NUGGC: variants seen among roughly 807,000 people sequenced by gnomAD.
NUGGC encodes the protein nuclear GTPase, germinal center associated.
In NUGGC, 58 loss-of-function variants were observed where a neutral mutation model predicts 92.6. The ratio of observed to expected loss-of-function variants is 0.63; its 90% confidence interval spans 0.51 to 0.78. The LOEUF is 0.78. NUGGC is among the 30% of genes least tolerant of loss of function. The pLI, the probability that NUGGC is intolerant of heterozygous loss-of-function variation, is 0.00. For synonymous variants in NUGGC, 376 were observed against 366.4 expected (o/e 1.03, Z -0.30); for missense variants, 925 against 964.6 (o/e 0.96, Z 0.54).
At chr8:28,061,811 G>C (rs991646196) in intron 7 of NUGGC, among the ~76,000 whole-genome samples, 5 of 152,088 alleles carry the variant, frequency 3.3e-5, no homozygotes, top group African/African-American at 1.2e-4. Context: ...GAAGGTAAAG[G>C]CCGAGGATGC....
chr8:28,053,459 C>G (rs1038092391), intron 10 of NUGGC, among the ~76,000 whole-genome samples: 3 of 151,870 alleles, frequency 2.0e-5, no homozygotes, highest in African/African-American at 7.3e-5. Context: ...ACACTCCAGC[C>G]TGGCTAACAG....
intron 1 of NUGGC, among the ~76,000 whole-genome samples, chr8:28,077,300 T>C (rs938231297): frequency 5.9e-5 from 9 of 151,502 alleles, no homozygotes; most frequent in Admixed American, 2.6e-4. Context: ...CTCATATCTA[T>C]AATCCCAGCA....
At chr8:28,050,151 C>T (rs1454181649) in intron 10 of NUGGC, among the ~76,000 whole-genome samples, 7 of 151,596 alleles carry the variant, frequency 4.6e-5, no homozygotes, top group South Asian at 2.1e-4. Flanking sequence ...TTCGGGAGGC[C>T]GAGGCGGGCA....
chr8:28,068,111 G>C (rs181496960), intron 5 of NUGGC, 105 bp downstream of exon 5: 2 of 665,974 alleles, frequency 3.0e-6, no homozygotes, highest in Non-Finnish European at 5.2e-6. Context: ...GAGAGAGGGA[G>C]GGAAGAGGAA....
intron 1 of NUGGC, among the ~76,000 whole-genome samples, chr8:28,082,664 A>G (rs910760568): frequency 2.6e-5 from 4 of 152,174 alleles, no homozygotes; most frequent in African/African-American, 9.7e-5. Flanking sequence ...GCACTTTGGG[A>G]GGCTGAGAGG....
chr8:28,077,861 G>A (rs1048812639), intron 1 of NUGGC, among the ~76,000 whole-genome samples: 1 of 152,184 alleles, frequency 6.6e-6, no homozygotes, highest in African/African-American at 2.4e-5. Context: ...CAGACACTAA[G>A]ATTAGGGACC....
At chr8:28,062,113 C>T (rs1219516507) in intron 7 of NUGGC, among the ~76,000 whole-genome samples, 1 of 152,190 alleles carries the variant, frequency 6.6e-6, no homozygotes, top group African/African-American at 2.4e-5. Context: ...TGGCTCCATA[C>T]ATCACTGCTT....
chr8:28,029,138 G>C lies in NUGGC; in HGVS notation c.2154+128C>G, dbSNP rs546939680. 193 of 902,722 alleles carry C rather than the reference G, an allele frequency of 2.1e-4. 1 individual carries two copies. The African/African-American group carries it at 3.0e-3, about 14-fold the overall frequency. The allele number at this position is 902,722 out of a possible 1,614,324, so 55.9% of individuals were successfully genotyped here. A position where few individuals can be genotyped will look rare whatever the true frequency, so the allele number is the denominator to read the frequency against. On this transcript the variant is annotated intron_variant, in intron 17 of 18. Coordinates refer to ENST00000413272, the MANE Select transcript of NUGGC (RefSeq NM_001010906.2). ...GTTGGAAGACTGCAGCTCTCAAGTC[G>C]AAGCCCCAGAAAGCATCTGTTCCAT...
At chr8:28,067,492 G>C in intron 6 of NUGGC, 22 bp downstream of exon 6, 1 of 1,533,220 alleles carries the variant, frequency 6.5e-7, no homozygotes, top group Non-Finnish European at 8.9e-7. Flanking sequence ...TGAAATCAAG[G>C]AAAAAACGAA....
rs577160179 is a variant in NUGGC, at chr8:28,032,248, G to A, written c.1770-867C>T. On this transcript the variant is annotated intron_variant, in intron 14 of 18. Transcript: ENST00000413272. ...TCGATGGAATGGCATAATCCAAGAC[G>A]TGCTTAAAGAAAGGTGGGGCAGGGA... Among the ~76,000 whole-genome samples the A allele has an allele frequency of 6.6e-5, 10 of 152,244 alleles. No homozygotes were observed. The East Asian group carries it at 1.7e-3, about 26-fold the overall frequency.
intron 17 of NUGGC, among the ~76,000 whole-genome samples, chr8:28,028,962 T>C (rs1809340541): frequency 1.3e-5 from 2 of 152,060 alleles, no homozygotes; most frequent in Admixed American, 6.5e-5. Flanking sequence ...CTGCCAGAAG[T>C]TTCTTCTCTA....
At chr8:28,082,745 T>A (rs1051220122) in intron 1 of NUGGC, among the ~76,000 whole-genome samples, 24 of 150,318 alleles carry the variant, frequency 1.6e-4, no homozygotes, top group South Asian at 8.4e-4. Context: ...ATCTCTACAA[T>A]TTTTTTTTTA....
chr8:28,056,442 C>T (rs762544290), intron 9 of NUGGC, among the ~76,000 whole-genome samples: 2 of 150,836 alleles, frequency 1.3e-5, no homozygotes, highest in Non-Finnish European at 2.9e-5. Flanking sequence ...CGCGCCACTG[C>T]ACTCCAGCCT....
intron 14 of NUGGC, 88 bp from the exon 15 acceptor site, chr8:28,031,469 T>A: frequency 1.6e-6 from 2 of 1,272,290 alleles, no homozygotes; most frequent in Non-Finnish European, 2.2e-6. Flanking sequence ...GTCCTTTTAT[T>A]CATTTAAGAG....
rs547084999 is a variant in NUGGC at position 28,070,265 on chromosome 8, A to C, written c.135T>G (p.Ser45Arg). 6.4e-7 allele frequency: 1 copy of C among 1,551,072 alleles called. No individual in the cohort carries two copies. The highest frequency in any genetic ancestry group is 1.2e-5 in the South Asian group (1 of 84,058). The change falls in exon 3 of 19, where the codon AGT becomes AGG. Residue 45 changes from serine to arginine, a missense_variant. By Grantham distance (110) the Ser-to-Arg change is moderately radical. Transcript: ENST00000413272. ...RFRAFPSMEQ[S>R]ALKEYEKLES... is the part of the protein sequence containing the mutation. ...CAAGACACTCACATTCCTTAAGAGC[A>C]CTCTGCTCCATGGAGGGAAATGCTC...
At chr8:28,040,734 C>T (rs1174978654) in intron 13 of NUGGC, among the ~76,000 whole-genome samples, 2 of 151,910 alleles carry the variant, frequency 1.3e-5, no homozygotes, top group Non-Finnish European at 2.9e-5. Context: ...GCAATCTCCG[C>T]CTCCCTGGTT....
At chr8:28,042,381 C>A (rs1264538661) in intron 12 of NUGGC, among the ~76,000 whole-genome samples, 1 of 152,198 alleles carries the variant, frequency 6.6e-6, no homozygotes, top group African/African-American at 2.4e-5. Flanking sequence ...TCTCTAGCAC[C>A]ACCATCTCTG....
intron 9 of NUGGC, among the ~76,000 whole-genome samples, chr8:28,056,332 G>C (rs1056341905): frequency 6.6e-6 from 1 of 152,044 alleles, no homozygotes; most frequent in Non-Finnish European, 1.5e-5. Flanking sequence ...CAAAAAATTA[G>C]CTAGGCGTGG....
chr8:28,028,945 T>C (rs115562142), intron 17 of NUGGC, among the ~76,000 whole-genome samples: 2,102 of 152,260 alleles, frequency 0.014, 46 homozygotes, highest in African/African-American at 0.048. Flanking sequence ...GGTTGATACA[T>C]CTCCCGCTGC....
Sources: gnomAD v4.1 joint callset for allele counts (sites outside exome capture counted in the v4.1 genomes callset) on GRCh38, gnomAD v4.1.1 for gene constraint, MANE v1.5 for transcripts, NCBI Gene and HGNC (gene_info 2026-07-23, HGNC 2026-07-21) for gene names.